Variants in UNC13C observed in about 807,000 individuals in gnomAD.
UNC13C encodes the protein unc-13 homolog C.
Under a neutral mutation model 245.4 loss-of-function variants are expected in UNC13C, and 174 were observed. The ratio of observed to expected loss-of-function variants is 0.71; its 90% CI spans 0.63 to 0.80. UNC13C has a LOEUF of 0.80. Among genes scored for constraint, UNC13C ranks in the 30% least tolerant of loss-of-function variants. The probability of loss-of-function intolerance (pLI) is 0.00; values close to 1 mark genes in which losing one functional copy is unlikely to be tolerated. For synonymous variants in UNC13C, 992 were observed against 895.1 expected, an observed-to-expected ratio of 1.11 and a Z score of -1.93; for missense variants, 2,829 against 2,602.9, an observed-to-expected ratio of 1.09 and a Z score of -1.89.
the UNC13C span, among the ~76,000 whole-genome samples, chr15:53,871,221 C>G: frequency 6.6e-6 from 1 of 152,164 alleles, no homozygotes; most frequent in African/African-American, 2.4e-5. Flanking sequence ...CAACCCCATC[C>G]CTATGCCCCC....
At chr15:54,482,826 C>T (rs1893198978) in intron 19 of UNC13C, among the ~76,000 whole-genome samples, 1 of 152,300 alleles carries the variant, frequency 6.6e-6, no homozygotes, top group South Asian at 2.1e-4. Flanking sequence ...ACAAATATCT[C>T]ATTAAATTGT....
At chr15:54,179,315 C>CT (rs2033719615) in intron 4 of UNC13C, among the ~76,000 whole-genome samples, 1 of 152,052 alleles carries the variant, frequency 6.6e-6, no homozygotes, top group Non-Finnish European at 1.5e-5. Flanking sequence ...AGCAGACTAA[C>CT]AATCCAATAA....
At chr15:54,180,232 A>AT (rs2033753020) in intron 4 of UNC13C, among the ~76,000 whole-genome samples, 1 of 151,898 alleles carries the variant, frequency 6.6e-6, no homozygotes, top group Admixed American at 6.6e-5. Context: ...TTCAGTTCCC[A>AT]TTTTTAAGTG....
At chr15:53,959,757 A>G in the UNC13C span, among the ~76,000 whole-genome samples, 1 of 152,222 alleles carries the variant, frequency 6.6e-6, no homozygotes, top group African/African-American at 2.4e-5. Flanking sequence ...GAAACTCAAT[A>G]TAATATAGAT....
the UNC13C span, among the ~76,000 whole-genome samples, chr15:53,857,382 G>A: frequency 6.6e-6 from 1 of 152,172 alleles, no homozygotes; most frequent in East Asian, 1.9e-4. Flanking sequence ...AAGAGAGTTA[G>A]TTTGTACATC....
chr15:53,961,487 A>G, the UNC13C span, among the ~76,000 whole-genome samples: 1 of 152,210 alleles, frequency 6.6e-6, no homozygotes, highest in South Asian at 2.1e-4. Context: ...CCTTGGATGC[A>G]TGGTGCACAG....
chr15:54,454,375 G>C (rs12912254), intron 19 of UNC13C, among the ~76,000 whole-genome samples: 1 of 151,612 alleles, frequency 6.6e-6, no homozygotes, highest in Non-Finnish European at 1.5e-5. Context: ...TCAGGAGTTC[G>C]AGACCAGCCT....
chr15:54,300,382 T>C lies in UNC13C; in HGVS notation c.4268+9T>C, dbSNP rs199514130. On this transcript the variant is annotated intron_variant, in intron 13 of 32. Transcript: ENST00000260323. ...ATTTATCAAGCTATGACGTAAGTAC[T>C]ACAGAACATTTACATGGTCAATATC... The C allele has an allele frequency of 3.2e-6, 5 of 1,560,614 alleles. No individual in the cohort carries two copies. Among genetic ancestry groups the C allele is most frequent in the Non-Finnish European group, 4.3e-6 (5 of 1,150,766 alleles).
intron 20 of UNC13C, 112 bp downstream of exon 20, chr15:54,494,846 A>C: frequency 7.9e-7 from 1 of 1,263,584 alleles, no homozygotes; most frequent in Non-Finnish European, 1.1e-6. Context: ...ATTGGAATGC[A>C]GAAATTTCCA....
chr15:54,189,195 C>T (rs1897034), intron 4 of UNC13C, among the ~76,000 whole-genome samples: 115,893 of 152,068 alleles, frequency 0.76, 44,417 homozygotes, highest in Non-Finnish European at 0.78. Context: ...CACAGGTCAG[C>T]GTCTGGAATA....
At chr15:53,961,466 T>G in the UNC13C span, among the ~76,000 whole-genome samples, 1 of 152,230 alleles carries the variant, frequency 6.6e-6, no homozygotes, top group African/African-American at 2.4e-5. Flanking sequence ...ATGATTCTTT[T>G]GTCAGTGGGG....
At chr15:53,860,040 A>T in the UNC13C span, among the ~76,000 whole-genome samples, 20 of 152,168 alleles carry the variant, frequency 1.3e-4, no homozygotes, top group Non-Finnish European at 2.8e-4. Flanking sequence ...ATTCTCTATC[A>T]CATTTGAGTT....
At chr15:54,159,058 A>G (rs2032868970) in intron 4 of UNC13C, among the ~76,000 whole-genome samples, 1 of 152,054 alleles carries the variant, frequency 6.6e-6, no homozygotes, top group African/African-American at 2.4e-5. Context: ...AGGGGGGCCC[A>G]CTTTTCATTG....
At chr15:54,467,999 A>G (rs1892273075) in intron 19 of UNC13C, among the ~76,000 whole-genome samples, 1 of 151,688 alleles carries the variant, frequency 6.6e-6, no homozygotes, top group South Asian at 2.1e-4. Flanking sequence ...TTGCTGGATC[A>G]TATAATAGCT....
intron 19 of UNC13C, among the ~76,000 whole-genome samples, chr15:54,483,144 T>C (rs1049612681): frequency 2.0e-5 from 3 of 152,206 alleles, no homozygotes; most frequent in African/African-American, 7.2e-5. Context: ...TCTTATGGCT[T>C]TGTTTTCTTA....
chr15:53,983,352 G>C (rs1178542040), intron 1 of UNC13C, among the ~76,000 whole-genome samples: 3 of 151,628 alleles, frequency 2.0e-5, no homozygotes, highest in Non-Finnish European at 4.4e-5. Context: ...AGGGCTGCAG[G>C]GAGCTCTCGT....
intron 4 of UNC13C, among the ~76,000 whole-genome samples, chr15:54,184,982 T>C (rs1404901996): frequency 6.6e-6 from 1 of 152,216 alleles, no homozygotes; most frequent in East Asian, 1.9e-4. Context: ...AGATGGTATC[T>C]CACTGTGGTT....
chr15:53,867,590 T>G, the UNC13C span, among the ~76,000 whole-genome samples: 2 of 152,160 alleles, frequency 1.3e-5, no homozygotes, highest in African/African-American at 4.8e-5. Context: ...GAGAAAGTTA[T>G]GAGTAATTGA....
intron 19 of UNC13C, among the ~76,000 whole-genome samples, chr15:54,423,319 G>A (rs578217696): frequency 6.5e-4 from 98 of 151,486 alleles, no homozygotes; most frequent in South Asian, 4.0e-3. Context: ...AATAATAATT[G>A]AATATTTTGA....
Sources: allele counts gnomAD v4.1 joint callset (sites outside exome capture counted in the v4.1 genomes callset), GRCh38; gene constraint gnomAD v4.1.1; transcripts MANE v1.5; gene names NCBI Gene and HGNC (gene_info 2026-07-23, HGNC 2026-07-21).